The following SPTLC2 variants were observed in gnomAD, a reference collection of about 807,000 sequenced individuals.
SPTLC2 encodes the protein serine palmitoyltransferase long chain base subunit 2.
In SPTLC2, 21 loss-of-function variants were observed where a neutral mutation model predicts 62.0. The ratio of observed to expected loss-of-function variants is 0.34; its 90% CI spans 0.24 to 0.49. The LOEUF is 0.49. Among genes scored for constraint, SPTLC2 ranks in the 20% least tolerant of loss-of-function variants. The probability of loss-of-function intolerance (pLI) is 0.99; values close to 1 mark genes in which losing one functional copy is unlikely to be tolerated. For missense variants in SPTLC2, 511 were observed against 713.0 expected, an observed-to-expected ratio of 0.72 and a Z score of 3.23; for synonymous variants, 261 against 261.8, an observed-to-expected ratio of 1.00 and a Z score of 0.03.
At chr14:77,582,061 AT>A (rs3216476) in intron 2 of SPTLC2, among the ~76,000 whole-genome samples, 3 of 149,316 alleles carry the variant, frequency 2.0e-5, no homozygotes, top group African/African-American at 2.5e-5. Context: ...AAAAAAAAAA[AT>A]TTTTTTTTGA....
intron 9 of SPTLC2, among the ~76,000 whole-genome samples, chr14:77,539,483 C>CTTTTTTTTTTTTT (rs71128638): frequency 3.7e-5 from 2 of 53,484 alleles, no homozygotes; most frequent in Admixed American, 3.2e-4. Flanking sequence ...TCTTAAGAGG[C>CTTTTTTTTTTTTT]TTTTTTTTTT....
At chr14:77,598,614 T>C (rs1187005313) in intron 1 of SPTLC2, among the ~76,000 whole-genome samples, 8 of 152,144 alleles carry the variant, frequency 5.3e-5, no homozygotes, top group African/African-American at 1.7e-4. Flanking sequence ...AAGTAAATCA[T>C]GCAAAAAACT....
At chr14:77,530,061 T>C (rs1218959269) in intron 9 of SPTLC2, among the ~76,000 whole-genome samples, 1 of 152,208 alleles carries the variant, frequency 6.6e-6, no homozygotes, top group African/African-American at 2.4e-5. Context: ...CTCTTGCATT[T>C]ATGGTGCTAC....
chr14:77,592,745 C>G (rs1198370556), intron 2 of SPTLC2, among the ~76,000 whole-genome samples: 1 of 152,118 alleles, frequency 6.6e-6, no homozygotes, highest in Non-Finnish European at 1.5e-5. Context: ...AATCCTCTCC[C>G]TCTTCCTACC....
intron 5 of SPTLC2, among the ~76,000 whole-genome samples, chr14:77,569,802 T>C (rs937186790): frequency 8.1e-5 from 5 of 61,660 alleles, no homozygotes; most frequent in Admixed American, 3.3e-4. Context: ...ATATATAATA[T>C]GTAACATACA....
chr14:77,545,686 A>G (rs2079524868), intron 9 of SPTLC2, among the ~76,000 whole-genome samples: 1 of 150,182 alleles, frequency 6.7e-6, no homozygotes, highest in African/African-American at 2.4e-5. Context: ...ATGAAAAATA[A>G]AGCCCTCAGA....
At chr14:77,514,066 C>G (rs1408463849) in intron 11 of SPTLC2, among the ~76,000 whole-genome samples, 1 of 151,804 alleles carries the variant, frequency 6.6e-6, no homozygotes, top group Non-Finnish European at 1.5e-5. Flanking sequence ...AGGCATAGTC[C>G]CAGCTATGCT....
At chr14:77,563,801 T>C (rs2079627836) in intron 5 of SPTLC2, among the ~76,000 whole-genome samples, 1 of 152,256 alleles carries the variant, frequency 6.6e-6, no homozygotes, top group African/African-American at 2.4e-5. Flanking sequence ...CAAACCATGT[T>C]GTTCAAGGGT....
In SPTLC2 at chr14:77,512,311, C is replaced by T. The variant is rs1451367009; in HGVS notation, c.1662G>A (p.Glu554=). 1 of 1,614,210 alleles carries T rather than the reference C, an allele frequency of 6.2e-7. No homozygotes were observed. The highest frequency in any genetic ancestry group is 1.1e-5 in the South Asian group (1 of 91,078). Residue 554 remains glutamate, a synonymous_variant, in exon 12 of 12, where the codon GAG becomes GAA. Transcript: ENST00000216484. The part of the protein sequence containing the change: ...LVPLLDRPFD[E]TTYEETED The stretch of plus-strand genomic sequence containing the variant: ...AGTCTTCTGTTTCTTCATACGTCGT[C>T]TCGTCAAAGGGCCTGTCCAGTAGAG...
chr14:77,555,459 T>C lies in SPTLC2; in HGVS notation c.1017A>G (p.Ala339=), dbSNP rs149375041. Residue 339 remains alanine, a synonymous_variant, in exon 8 of 12, where the codon GCA becomes GCG. Coordinates refer to ENST00000216484, the MANE Select transcript of SPTLC2 (RefSeq NM_004863.4). ...EVIALKKKYK[A]YLYLDEAHSI... is the part of the protein sequence containing the mutation. ...TGTGAGCCTCATCCAGATACAAGTA[T>C]GCCTTGTATTTCTTCTTGAGGGCAA... 41 of 1,614,086 alleles carry C rather than the reference T, an allele frequency of 2.5e-5. No homozygotes were observed. The African/African-American group carries it at 3.9e-4, about 15-fold the overall frequency.
intron 1 of SPTLC2, among the ~76,000 whole-genome samples, chr14:77,614,262 T>C (rs1434569830): frequency 6.6e-6 from 1 of 152,264 alleles, no homozygotes; most frequent in Non-Finnish European, 1.5e-5. Flanking sequence ...GAAAGGTCCT[T>C]GATTTCCTAC....
intron 9 of SPTLC2, among the ~76,000 whole-genome samples, chr14:77,530,051 C>A (rs1594972866): frequency 6.6e-6 from 1 of 152,030 alleles, no homozygotes; most frequent in Admixed American, 6.6e-5. Flanking sequence ...ATTAAGAATT[C>A]TCTTGCATTT....
intron 2 of SPTLC2, among the ~76,000 whole-genome samples, chr14:77,581,222 C>T (rs191600072): frequency 1.6e-4 from 25 of 152,234 alleles, no homozygotes; most frequent in African/African-American, 5.3e-4. Context: ...AAGCTTAAGC[C>T]TTATTCTGTA....
chr14:77,545,549 G>A (rs1023399443), intron 9 of SPTLC2, among the ~76,000 whole-genome samples: 2 of 152,164 alleles, frequency 1.3e-5, no homozygotes, highest in African/African-American at 2.4e-5. Flanking sequence ...GATTACAGGC[G>A]TGAGCCATCG....
At chr14:77,535,766 A>G (rs78105118) in intron 9 of SPTLC2, 81 of 329,736 alleles carry the variant, frequency 2.5e-4, no homozygotes, top group African/African-American at 1.7e-3. Context: ...TAATTCTTCC[A>G]AAGCATTTTT....
chr14:77,613,792 C>G (rs1009883855), intron 1 of SPTLC2, among the ~76,000 whole-genome samples: 1 of 152,200 alleles, frequency 6.6e-6, no homozygotes, highest in Non-Finnish European at 1.5e-5. Flanking sequence ...ATTTCCCCCC[C>G]AGAAAGAGGG....
At chr14:77,563,529 G>A (rs976164859) in intron 5 of SPTLC2, among the ~76,000 whole-genome samples, 9 of 152,162 alleles carry the variant, frequency 5.9e-5, no homozygotes, top group African/African-American at 2.2e-4. Flanking sequence ...AGATTCAAGC[G>A]ATTCTCCTGC....
At position 77,570,367 on chromosome 14, in the gene SPTLC2, A is replaced by C. The variant is rs1057521628; in HGVS notation, c.756+17T>G. 1.9e-6 allele frequency: 3 copies of C among 1,611,840 alleles called. No individual in the cohort carries two copies. Among genetic ancestry groups the C allele is most frequent in the Admixed American group, 1.7e-5 (1 of 59,994 alleles). On this transcript the variant is annotated intron_variant, in intron 5 of 11. Transcript: ENST00000216484. ...GATATACATGAGGGAGTTTTCATAA[A>C]TGACAGAGTATCTTACTTTGCCAAC...
chr14:77,533,236 G>A (rs1415966098), intron 9 of SPTLC2, among the ~76,000 whole-genome samples: 1 of 150,138 alleles, frequency 6.7e-6, no homozygotes, highest in Non-Finnish European at 1.5e-5. Flanking sequence ...GGAGGCAGAG[G>A]TTGCAGTGAG....
Sources: gnomAD v4.1 joint callset for allele counts (sites outside exome capture counted in the v4.1 genomes callset) on GRCh38, gnomAD v4.1.1 for gene constraint, MANE v1.5 for transcripts, NCBI Gene and HGNC (gene_info 2026-07-23, HGNC 2026-07-21) for gene names.